LHPP: variants seen among roughly 807,000 people sequenced by gnomAD.
The protein encoded by LHPP is phospholysine phosphohistidine inorganic pyrophosphate phosphatase.
Under a neutral mutation model 30.3 loss-of-function variants are expected in LHPP, and 24 were observed. The observed-to-expected ratio is 0.79, with a 90% CI of 0.57 to 1.11. The LOEUF is 1.11. Ranked by LOEUF, LHPP falls within the 50% of genes most tolerant of loss-of-function variation. The pLI is 0.00. For synonymous variants in LHPP, 150 were observed against 157.1 expected (o/e 0.95, Z 0.34); for missense variants, 356 against 367.2 (o/e 0.97, Z 0.25).
intron 6 of LHPP, among the ~76,000 whole-genome samples, chr10:124,557,312 G>A (rs1295181510): frequency 1.3e-5 from 2 of 152,214 alleles, no homozygotes; most frequent in Non-Finnish European, 2.9e-5. Context: ...GAAGGCCCAC[G>A]CGAACGGGCA....
At chr10:124,464,506 C>T (rs1011061805) in intron 1 of LHPP, among the ~76,000 whole-genome samples, 31 of 152,298 alleles carry the variant, frequency 2.0e-4, no homozygotes, top group African/African-American at 7.2e-4. Context: ...GCACAAAGGG[C>T]AGCCCAGACC....
chr10:124,530,515 C>T (rs1489429050), intron 6 of LHPP, among the ~76,000 whole-genome samples: 2 of 140,554 alleles, frequency 1.4e-5, no homozygotes, highest in East Asian at 4.2e-4. Context: ...CTCATGCTGG[C>T]CTCATAGTGC....
At chr10:124,598,278 A>C (rs1037738278) in intron 6 of LHPP, among the ~76,000 whole-genome samples, 5 of 152,226 alleles carry the variant, frequency 3.3e-5, no homozygotes, top group African/African-American at 1.2e-4. Context: ...GTCAGCACCC[A>C]CAGGGGCTTC....
At chr10:124,554,254 T>G (rs1257088862) in intron 6 of LHPP, 1 of 186,380 alleles carries the variant, frequency 5.4e-6, no homozygotes, top group Non-Finnish European at 1.0e-5. Flanking sequence ...GGTGCAATCA[T>G]GGCTCACTGC....
chr10:124,538,214 C>G (rs61870211), intron 6 of LHPP, among the ~76,000 whole-genome samples: 1 of 37,236 alleles, frequency 2.7e-5, no homozygotes, highest in Non-Finnish European at 5.3e-5. Flanking sequence ...GGTCACCATG[C>G]GGGGCTCACC....
At chr10:124,497,994 C>T in intron 4 of LHPP, 42 bp from the exon 5 acceptor site, 1 of 1,529,932 alleles carries the variant, frequency 6.5e-7, no homozygotes, top group Non-Finnish European at 9.1e-7. Context: ...ACACCTGTTC[C>T]TTGATCCCAA....
intron 5 of LHPP, 183 bp downstream of exon 5, chr10:124,498,311 T>C: frequency 7.0e-6 from 11 of 1,579,226 alleles, no homozygotes; most frequent in Non-Finnish European, 8.6e-6. Flanking sequence ...ATCCACTGAA[T>C]AGTTTCAACC....
intron 6 of LHPP, among the ~76,000 whole-genome samples, chr10:124,609,184 AAGAC>A (rs1239180577): frequency 6.6e-6 from 1 of 152,232 alleles, no homozygotes; most frequent in African/African-American, 2.4e-5. Context: ...TAAAAATATA[AAGAC>A]AGGCCGCAGG....
At chr10:124,577,076 G>T (rs1051233462) in intron 6 of LHPP, among the ~76,000 whole-genome samples, 1 of 152,224 alleles carries the variant, frequency 6.6e-6, no homozygotes, top group Non-Finnish European at 1.5e-5. Flanking sequence ...TAGAAAGTAG[G>T]TACCATTGTC....
At chr10:124,565,168 C>G (rs1845618429) in intron 6 of LHPP, among the ~76,000 whole-genome samples, 1 of 152,182 alleles carries the variant, frequency 6.6e-6, no homozygotes, top group South Asian at 2.1e-4. Flanking sequence ...CGAAGCTCCC[C>G]TCCCCACAGC....
intron 6 of LHPP, among the ~76,000 whole-genome samples, chr10:124,553,026 G>T (rs546349662): frequency 1.3e-4 from 20 of 152,332 alleles, no homozygotes; most frequent in Middle Eastern, 3.4e-3. Flanking sequence ...AATGAGCGCC[G>T]CTCAGCGCTC....
rs753894224 is a variant in LHPP at position 124,596,612 on chromosome 10, G to A, written c.717-16652G>A. ...TCTAGGTTGGGGCCACTCTTTTCTTGGAACAAGAGCCCTAAACGTGGGACC... is the reference window on the plus strand; with the variant it reads ...TCTAGGTTGGGGCCACTCTTTTCTTAGAACAAGAGCCCTAAACGTGGGACC... On this transcript the variant is annotated intron_variant, in intron 6 of 6. Coordinates refer to ENST00000368842, the MANE Select transcript of LHPP (RefSeq NM_022126.4). This position sits in a 1 kb window ranked among gnomAD's most constrained non-coding sequence, Gnocchi z 4.6. Among the ~76,000 whole-genome samples the A allele has an allele frequency of 6.6e-6, 1 of 152,180 alleles. No homozygotes were observed. The highest frequency in any genetic ancestry group is 1.5e-5 in the Non-Finnish European group (1 of 68,034).
chr10:124,488,617 T>A, intron 3 of LHPP, 42 bp downstream of exon 3: 1 of 1,569,594 alleles, frequency 6.4e-7, no homozygotes, highest in South Asian at 1.2e-5. Flanking sequence ...GTGCTTTAGA[T>A]GATGCTGTGC....
chr10:124,502,025 C>T (rs1953916818), intron 5 of LHPP, among the ~76,000 whole-genome samples: 1 of 151,986 alleles, frequency 6.6e-6, no homozygotes, highest in East Asian at 1.9e-4. Context: ...TAATTATCAA[C>T]TAATAACCAC....
chr10:124,472,241 A>T (rs985344091), intron 1 of LHPP, among the ~76,000 whole-genome samples: 12 of 152,070 alleles, frequency 7.9e-5, no homozygotes, highest in Non-Finnish European at 1.8e-4. Flanking sequence ...TGAACCCGAG[A>T]GGCAGAGGCT....
At chr10:124,589,258 G>A (rs1948846861) in intron 6 of LHPP, among the ~76,000 whole-genome samples, 1 of 152,246 alleles carries the variant, frequency 6.6e-6, no homozygotes, top group African/African-American at 2.4e-5. Context: ...CGTGCTCGCA[G>A]CCTGATACAT....
rs757829938 is a variant in LHPP, at chr10:124,461,987, G to A, written c.125G>A (p.Arg42Lys). ...AIAGSVEAVA[R>K]LKRSRLKVRF... is the part of the protein sequence containing the mutation. ...GCCGGCTCGGTGGAGGCGGTGGCCAGGTGAGTGGGCCCCGGGACGCCGCTG... is the reference window on the plus strand; with the variant it reads ...GCCGGCTCGGTGGAGGCGGTGGCCAAGTGAGTGGGCCCCGGGACGCCGCTG... Residue 42 changes from arginine (R) to lysine (K), a missense_variant and splice_region_variant, in exon 1 of 7, where the codon AGA becomes AAA. By Grantham distance (26) the Arg-to-Lys change is conservative. Transcript: ENST00000368842. 100 of 1,214,960 alleles carry A rather than the reference G, an allele frequency of 8.2e-5. No homozygotes were observed. Among genetic ancestry groups the A allele is most frequent in the Middle Eastern group, 3.2e-4 (1 of 3,124 alleles). The allele number at this position is 1,214,960 out of a possible 1,614,324, so 75.3% of individuals were successfully genotyped here. A position where few individuals can be genotyped will look rare whatever the true frequency, so the allele number is the denominator to read the frequency against.
intron 6 of LHPP, among the ~76,000 whole-genome samples, chr10:124,570,523 AG>A (rs1390098864): frequency 6.6e-6 from 1 of 152,230 alleles, no homozygotes; most frequent in Non-Finnish European, 1.5e-5. Context: ...AGTGGTCTTT[AG>A]GTTTTTAATA....
chr10:124,600,790 G>A (rs1315336662), intron 6 of LHPP, among the ~76,000 whole-genome samples: 4 of 152,232 alleles, frequency 2.6e-5, no homozygotes, highest in Non-Finnish European at 4.4e-5. Context: ...CTCACAGGAA[G>A]CCAATGCCAG....
Sources: allele counts gnomAD v4.1 joint callset (sites outside exome capture counted in the v4.1 genomes callset), GRCh38; gene constraint gnomAD v4.1.1; non-coding constraint Gnocchi (gnomAD v3.1); transcripts MANE v1.5; gene names NCBI Gene and HGNC (gene_info 2026-07-23, HGNC 2026-07-21).